The following MYLK3 variants were observed in gnomAD, a reference collection of about 807,000 sequenced individuals.
MYLK3 encodes the protein myosin light chain kinase 3.
MYLK3 carries 55 observed loss-of-function variants against 76.3 expected under a neutral mutation model. The observed-to-expected ratio is 0.72, with a 90% CI of 0.58 to 0.90. MYLK3 has a LOEUF of 0.90. MYLK3 is among the 40% of genes least tolerant of loss of function. The pLI is 0.00. For synonymous variants in MYLK3, 416 were observed against 425.4 expected (o/e 0.98, Z 0.27); for missense variants, 973 against 1,053.6 (o/e 0.92, Z 1.06).
intron 1 of MYLK3, among the ~76,000 whole-genome samples, chr16:46,762,115 C>T (rs1311706524): frequency 6.6e-6 from 1 of 152,210 alleles, no homozygotes; most frequent in Non-Finnish European, 1.5e-5. Flanking sequence ...AGGCGGGCAA[C>T]AGAAGCAGGA....
At chr16:46,731,790 G>A (rs781729037) in intron 4 of MYLK3, among the ~76,000 whole-genome samples, 74 of 152,086 alleles carry the variant, frequency 4.9e-4, no homozygotes, top group Non-Finnish European at 9.0e-4. Context: ...GGCAGGTGGC[G>A]GTAAGAAATC....
chr16:46,734,934 G>A (rs1027690296), intron 3 of MYLK3, among the ~76,000 whole-genome samples: 4 of 152,096 alleles, frequency 2.6e-5, no homozygotes, highest in Admixed American at 6.5e-5. Flanking sequence ...TTGAGGCCAG[G>A]AGTTCGAGAC....
At chr16:46,747,280 C>G (rs944663396) in intron 1 of MYLK3, among the ~76,000 whole-genome samples, 2 of 152,228 alleles carry the variant, frequency 1.3e-5, no homozygotes, top group Non-Finnish European at 2.9e-5. Context: ...CCCTCTGGAG[C>G]TAAGCTCAAG....
Position 46,737,884 on chromosome 16 carries a change from C to T in MYLK3, c.828G>A (p.Pro276=), listed in dbSNP as rs140211091. The T allele has an allele frequency of 1.1e-4, 170 of 1,614,132 alleles. No individual in the cohort carries two copies. The East Asian group carries it at 1.2e-3, about 12-fold the overall frequency. ...PAPGRVNVVS[P]SLEVAPGAGQ... is the part of the protein sequence containing the mutation. Reference sequence around the variant, plus strand: ...CTGCACCTGGTGCAACCTCCAGGCTCGGGGAGACCACATTGACCCTGCCGG... The same window carrying T: ...CTGCACCTGGTGCAACCTCCAGGCTTGGGGAGACCACATTGACCCTGCCGG... Residue 276 remains proline (P), a synonymous_variant, in exon 3 of 13, where the codon CCG becomes CCA. Coordinates refer to ENST00000394809, the MANE Select transcript of MYLK3 (RefSeq NM_182493.3).
chr16:46,726,729 GAAAGAAAA>G (rs1966842976), intron 8 of MYLK3: 1 of 131,282 alleles, frequency 7.6e-6, no homozygotes, highest in Non-Finnish European at 1.6e-5. Context: ...AAGAAAGAAA[GAAAGAAAA>G]GAAAGAGAGA....
At chr16:46,719,099 C>T (rs1219148538) in intron 9 of MYLK3, among the ~76,000 whole-genome samples, 2 of 151,856 alleles carry the variant, frequency 1.3e-5, no homozygotes, top group Non-Finnish European at 2.9e-5. Flanking sequence ...GGAGGCCAGG[C>T]AGGCGGATCA....
intron 1 of MYLK3, among the ~76,000 whole-genome samples, chr16:46,754,594 G>C (rs901527106): frequency 6.6e-6 from 1 of 152,140 alleles, no homozygotes. Flanking sequence ...CAGCAAGAAG[G>C]TCCTCACCAG....
chr16:46,757,808 C>T (rs1018073011), intron 1 of MYLK3, among the ~76,000 whole-genome samples: 1 of 152,154 alleles, frequency 6.6e-6, no homozygotes, highest in African/African-American at 2.4e-5. Context: ...ACCGTGTGGT[C>T]CAAGGAGGGA....
intron 9 of MYLK3, among the ~76,000 whole-genome samples, chr16:46,716,497 A>ATGTGTGTG (rs869246629): frequency 2.8e-4 from 6 of 21,656 alleles, no homozygotes; most frequent in African/African-American, 3.5e-4. Context: ...GTGTATATAT[A>ATGTGTGTG]TGTGTGTGTG....
At chr16:46,721,702 T>G (rs1966801872) in intron 8 of MYLK3, among the ~76,000 whole-genome samples, 1 of 152,118 alleles carries the variant, frequency 6.6e-6, no homozygotes, top group Non-Finnish European at 1.5e-5. Flanking sequence ...ATTCCATGCT[T>G]TTAAATGTTA....
At chr16:46,748,348 G>C, upstream of MYLK3, 3 of 1,344,978 alleles carry the variant, frequency 2.2e-6, no homozygotes, top group South Asian at 3.2e-5. The surrounding 1 kb of genome is among the most constrained non-coding windows in gnomAD (Gnocchi z 4.3). Context: ...GCTGTGTGAG[G>C]AGCGCAGAGG....
intron 8 of MYLK3, chr16:46,726,675 G>GAAAGAAAGAAAGAA (rs71158888): frequency 4.3e-5 from 2 of 46,594 alleles, no homozygotes; most frequent in Non-Finnish European, 9.7e-5. Flanking sequence ...AAGAAAGAAA[G>GAAAGAAAGAAAGAA]AGAAAGAAAG....
intron 1 of MYLK3, among the ~76,000 whole-genome samples, chr16:46,744,768 G>A (rs1392795880): frequency 6.6e-6 from 1 of 152,150 alleles, no homozygotes; most frequent in Non-Finnish European, 1.5e-5. Context: ...GGGAGGCTGA[G>A]GCAGGAGGAT....
At chr16:46,752,359 T>C (rs965027763), upstream of MYLK3, among the ~76,000 whole-genome samples, 8 of 152,154 alleles carry the variant, frequency 5.3e-5, no homozygotes, top group East Asian at 1.5e-3. Flanking sequence ...ATCAGCCTCC[T>C]GCATAACTGG....
In MYLK3 at chr16:46,747,715, A is replaced by C. The variant is rs1596774059; in HGVS notation, c.477+2T>G. On this transcript the variant is annotated splice_donor_variant, in intron 1 of 12. Coordinates refer to ENST00000394809, the MANE Select transcript of MYLK3 (RefSeq NM_182493.3). LOFTEE classifies it high-confidence loss of function. ...AGCCAGGGCAGGGAAGCAGGAACCA[A>C]CCTCCTCAGGGCTGTCACCTGGGCT... 6.2e-7 allele frequency: 1 copy of C among 1,609,562 alleles called. No homozygotes were observed. The highest frequency in any genetic ancestry group is 2.2e-5 in the East Asian group (1 of 44,776).
rs372959225 is a variant in MYLK3, at chr16:46,710,807, G to C, written c.2115-18C>G. 2 of 1,613,690 alleles carry C rather than the reference G, an allele frequency of 1.2e-6. No homozygotes were observed. Among genetic ancestry groups the C allele is most frequent in the Admixed American group, 1.7e-5 (1 of 59,994 alleles). On this transcript the variant is annotated intron_variant, in intron 10 of 12. Coordinates refer to ENST00000394809, the MANE Select transcript of MYLK3 (RefSeq NM_182493.3). ...CACTGAGTCTATAGAAGAGAGAAAG[G>C]ACCATCAGTAGGTGGAGGCCACATT...
chr16:46,734,632 C>A (rs182494783), intron 3 of MYLK3, among the ~76,000 whole-genome samples: 19 of 151,954 alleles, frequency 1.3e-4, no homozygotes, highest in Admixed American at 7.2e-4. Flanking sequence ...CACACACACA[C>A]AAAAAGACAA....
intron 1 of MYLK3, among the ~76,000 whole-genome samples, chr16:46,761,066 G>A (rs538600147): frequency 2.0e-5 from 3 of 152,196 alleles, no homozygotes; most frequent in Non-Finnish European, 2.9e-5. Context: ...TAAGAGGGAG[G>A]CAAAAAAATT....
At chr16:46,731,541 C>T (rs1200995713) in intron 4 of MYLK3, among the ~76,000 whole-genome samples, 3 of 152,192 alleles carry the variant, frequency 2.0e-5, no homozygotes, top group Admixed American at 2.0e-4. Flanking sequence ...ACTTTGCCTG[C>T]TCTCCAACTA....
Sources: allele counts gnomAD v4.1 joint callset (sites outside exome capture counted in the v4.1 genomes callset), GRCh38; gene constraint gnomAD v4.1.1; non-coding constraint Gnocchi (gnomAD v3.1); transcripts MANE v1.5; gene names NCBI Gene and HGNC (gene_info 2026-07-23, HGNC 2026-07-21).